The following RFX5 variants were observed in gnomAD, a reference collection of about 807,000 sequenced individuals.
The protein encoded by RFX5 is regulatory factor X5.
In RFX5, 30 loss-of-function variants were observed where a neutral mutation model predicts 41.2. The observed-to-expected ratio is 0.73, with a 90% CI of 0.54 to 0.99. The LOEUF (loss-of-function observed/expected upper bound fraction) is 0.99, where lower values mean the gene tolerates loss of function less well. Ranked by LOEUF, RFX5 falls within the 50% of genes least tolerant of loss-of-function variation. RFX5 has a pLI of 0.00. For synonymous variants in RFX5, 231 were observed against 291.8 expected (o/e 0.79, Z 2.12); for missense variants, 715 against 773.6 (o/e 0.92, Z 0.90).
In RFX5 at chr1:151,344,728, C is replaced by G; in HGVS notation, c.353G>C (p.Arg118Pro). The G allele has an allele frequency of 6.3e-7, 1 of 1,578,538 alleles. No individual in the cohort carries two copies. The highest frequency in any genetic ancestry group is 8.6e-7 in the Non-Finnish European group (1 of 1,162,004). ...TCCCACCACCCACCCCTCCACCCAC[C>G]GATAGGCATCATAAACACTTTGCTT... is the stretch of plus-strand genomic sequence containing the variant. The part of the protein sequence containing the change: ...LPKQSVYDAY[R>P]KYCESLACCR... Residue 118 changes from arginine (R) to proline (P), a missense_variant and splice_region_variant, in exon 6 of 11, where the codon CGG becomes CCG. Arg to Pro is a moderately radical substitution (Grantham distance 103). Transcript: ENST00000452671.
In RFX5 at chr1:151,346,203, AC is replaced by A; in HGVS notation, c.116+1del. The A allele has an allele frequency of 6.2e-7, 1 of 1,613,898 alleles. No homozygotes were observed. Among genetic ancestry groups the A allele is most frequent in the Non-Finnish European group, 8.5e-7 (1 of 1,179,800 alleles). On this transcript the variant is annotated splice_donor_variant, in intron 3 of 10. Coordinates refer to ENST00000452671, the MANE Select transcript of RFX5 (RefSeq NM_001025603.2). LOFTEE classifies it high-confidence loss of function. ...GGACTTGGAGATGTGATGAGTACTT[AC>A]GAAATGGTACCTCGGAGCCTCTGAA...
At chr1:151,345,289 G>T in intron 4 of RFX5, 101 bp from the exon 5 acceptor site, 1 of 913,870 alleles carries the variant, frequency 1.1e-6, no homozygotes, top group Non-Finnish European at 1.8e-6. Flanking sequence ...GACTTACAGG[G>T]TGTCAGACTG....
intron 7 of RFX5, 49 bp from the exon 8 acceptor site, chr1:151,344,327 C>G (rs747786909): frequency 1.2e-6 from 2 of 1,613,576 alleles, no homozygotes; most frequent in South Asian, 2.2e-5. Context: ...CCAAGCCCCT[C>G]GAGCAAGTTA....
Position 151,342,887 on chromosome 1 carries a change from T to A in RFX5, c.1150A>T (p.Ile384Phe), listed in dbSNP as rs1478758721. The A allele has an allele frequency of 3.1e-6, 5 of 1,614,156 alleles. No homozygotes were observed. In the South Asian group the frequency reaches 3.3e-5, roughly 11 times the overall value. Residue 384 changes from isoleucine to phenylalanine, a missense_variant, in exon 11 of 11, where the codon ATC becomes TTC. Coordinates refer to ENST00000452671, the MANE Select transcript of RFX5 (RefSeq NM_001025603.2). ...PPAAVPIINM[I>F]LPTVPALPGP... ...GGCAAAGCAGGAACAGTTGGTAAGA[T>A]CATGTTAATGATGGGCACAGCTGCT...
chr1:151,342,880 G>A lies in RFX5; in HGVS notation c.1157C>T (p.Pro386Leu). ...AAVPIINMIL[P>L]TVPALPGPGP... ...AGGTCCAGGCAAAGCAGGAACAGTT[G>A]GTAAGATCATGTTAATGATGGGCAC... The change falls in exon 11 of 11, where the codon CCA becomes CTA. Residue 386 changes from proline to leucine, a missense_variant. Pro to Leu is a moderately conservative substitution (Grantham distance 98, BLOSUM62 -3). Coordinates refer to ENST00000452671, the MANE Select transcript of RFX5 (RefSeq NM_001025603.2). 1 of 1,614,210 alleles carries A rather than the reference G, an allele frequency of 6.2e-7. No homozygotes were observed.
At chr1:151,346,016 T>C in intron 3 of RFX5, 55 bp from the exon 4 acceptor site, 1 of 1,613,524 alleles carries the variant, frequency 6.2e-7, no homozygotes, top group Non-Finnish European at 8.5e-7. Context: ...CCTGTCTCTT[T>C]ATCTGACTGC....
chr1:151,345,851 G>A (rs1650992872), intron 4 of RFX5, 77 bp downstream of exon 4: 1 of 1,591,144 alleles, frequency 6.3e-7, no homozygotes, highest in Non-Finnish European at 8.6e-7. Flanking sequence ...TCAATGTTTT[G>A]TTGATGCCCA....
rs745851232 is a variant in RFX5 at position 151,343,781 on chromosome 1, G to C, written c.657C>G (p.Ser219=). 3 of 1,614,002 alleles carry C rather than the reference G, an allele frequency of 1.9e-6. No homozygotes were observed. In the African/African-American group the frequency reaches 4.0e-5, roughly 22 times the overall value. ...GGGCGACCTCAACGATGGAACTGAA[G>C]GACCGTTTCAGGATCCGCTCTGCCC... is the stretch of plus-strand genomic sequence containing the variant. The part of the protein sequence containing the change: ...CDWAERILKR[S]FSSIVEVARF... Residue 219 remains serine (S), a synonymous_variant, in exon 9 of 11, where the codon TCC becomes TCG. Transcript: ENST00000452671.
intron 6 of RFX5, 43 bp from the exon 7 acceptor site, chr1:151,344,579 A>T (rs779082557): frequency 6.2e-7 from 1 of 1,613,824 alleles, no homozygotes; most frequent in African/African-American, 1.3e-5. Context: ...TCAGAGAAGG[A>T]GGCCATGGGT....
intron 8 of RFX5, 121 bp downstream of exon 8, chr1:151,344,076 C>G: frequency 5.1e-6 from 6 of 1,166,338 alleles, no homozygotes; most frequent in Non-Finnish European, 7.6e-6. Context: ...CAGAAGGGAA[C>G]ATCATACCTA....
chr1:151,341,638 T>G lies in RFX5; in HGVS notation c.*548A>C, dbSNP rs574752985. 3.0e-5 allele frequency: 7 copies of G among 231,682 alleles called. No individual in the cohort carries two copies. In the East Asian group the frequency reaches 8.1e-4, roughly 27 times the overall value. 14.4% of individuals were successfully genotyped at this position (231,682 alleles called of 1,614,324 possible). A position where few individuals can be genotyped will look rare whatever the true frequency, so the allele number is the denominator to read the frequency against. ...TACAAAGATGCCTTCTTTTTCTGAT[T>G]GGACATAAATGGGGAAAAGTGTAAT... On this transcript the variant is annotated 3_prime_UTR_variant, in exon 11 of 11. Transcript: ENST00000452671.
intron 9 of RFX5, 52 bp downstream of exon 9, chr1:151,343,629 T>C: frequency 6.3e-7 from 1 of 1,584,936 alleles, no homozygotes; most frequent in Non-Finnish European, 8.6e-7. Context: ...GGAGGGCCAC[T>C]GAAGCTGAAA....
At position 151,342,800 on chromosome 1, in the gene RFX5, C is replaced by A. The variant is rs749624895; in HGVS notation, c.1237G>T (p.Glu413Ter). 2 of 1,614,224 alleles carry A rather than the reference C, an allele frequency of 1.2e-6. No individual in the cohort carries two copies. The highest frequency in any genetic ancestry group is 2.2e-5 in the South Asian group (2 of 91,082). Reference protein sequence around the residue: ...PGGLTQPRGTENREVGIGGDQ... With the variant: ...PGGLTQPRGT ...CCACCTATGCCTACCTCTCTGTTCT[C>A]TGTGCCCCGGGGCTGAGTGAGTCCC... is the stretch of plus-strand genomic sequence containing the variant. Residue 413 changes from glutamate to a stop codon, truncating the protein, a stop_gained, in exon 11 of 11, where the codon GAG (glutamate) becomes TAG (stop). Transcript: ENST00000452671. LOFTEE classifies it low-confidence loss of function (END_TRUNC).
At chr1:151,345,428 T>C in intron 4 of RFX5, 2 of 415,794 alleles carry the variant, frequency 4.8e-6, no homozygotes, top group Middle Eastern at 7.6e-4. Flanking sequence ...GCTAACATGG[T>C]GAAACCCCGT....
intron 8 of RFX5, 133 bp downstream of exon 8, chr1:151,344,064 G>A: frequency 6.2e-6 from 7 of 1,123,426 alleles, no homozygotes; most frequent in Non-Finnish European, 6.6e-6. Flanking sequence ...CTACAGGGTT[G>A]GCAGAAGGGA....
chr1:151,346,144 A>C (rs1430234755), intron 3 of RFX5, 61 bp downstream of exon 3: 1 of 1,567,466 alleles, frequency 6.4e-7, no homozygotes, highest in African/African-American at 1.4e-5. Context: ...GCCAAAGTGA[A>C]GTGCTGCAGG....
In RFX5 at chr1:151,344,510, C is replaced by G. The variant is rs1650819415; in HGVS notation, c.380G>C (p.Cys127Ser). 1.2e-6 allele frequency: 2 copies of G among 1,614,086 alleles called. No individual in the cohort carries two copies. Among genetic ancestry groups the G allele is most frequent in the African/African-American group, 2.7e-5 (2 of 74,916 alleles). The change falls in exon 7 of 11, where the codon TGC (cysteine) becomes TCC (serine). Residue 127 changes from cysteine to serine, a missense_variant. By Grantham distance (112) the Cys-to-Ser change is moderately radical. Transcript: ENST00000452671. ...AAAGTTGGCTGTGCTGAGTGGGCGG[C>G]AACAGGCAAGACTCTCACAGTACTT... ...YRKYCESLAC[C>S]RPLSTANFGK...
In RFX5 at chr1:151,343,425, G is replaced by A. The variant is rs896685181; in HGVS notation, c.775C>T (p.Pro259Ser). The A allele has an allele frequency of 1.2e-5, 19 of 1,613,982 alleles. No homozygotes were observed. The highest frequency in any genetic ancestry group is 1.5e-5 in the Non-Finnish European group (18 of 1,180,014). Residue 259 changes from proline (P) to serine (S), a missense_variant, in exon 10 of 11, where the codon CCT (proline) becomes TCT (serine). Coordinates refer to ENST00000452671, the MANE Select transcript of RFX5 (RefSeq NM_001025603.2). ...TTTGGTTTAGATGACCGTTCCCGAG[G>A]TGCATGTTCGTCCTCTTCTGCAGAG... ...MGLAEEDEHA[P>S]RERSSKPKNG...
Position 151,344,797 on chromosome 1 carries a change from C to G in RFX5, c.284G>C (p.Trp95Ser). 1 of 1,613,932 alleles carries G rather than the reference C, an allele frequency of 6.2e-7. No individual in the cohort carries two copies. The highest frequency in any genetic ancestry group is 1.1e-5 in the South Asian group (1 of 91,072). The change falls in exon 6 of 11, where the codon TGG (tryptophan) becomes TCG (serine). Residue 95 changes from tryptophan (W) to serine (S), a missense_variant. Trp to Ser is a radical substitution (Grantham distance 177). Coordinates refer to ENST00000452671, the MANE Select transcript of RFX5 (RefSeq NM_001025603.2). ...SNEEYMYAYR[W>S]IRNHLEEHTD... ...GTGCTCTTCCAGGTGGTTGCGGATC[C>G]ACCTATAGGCATACATGTACTCCTC...
Sources: allele counts gnomAD v4.1 joint callset, GRCh38; gene constraint gnomAD v4.1.1; transcripts MANE v1.5; gene names NCBI Gene and HGNC (gene_info 2026-07-23, HGNC 2026-07-21).